MCM5: variants seen among roughly 807,000 people sequenced by gnomAD.
MCM5 encodes the protein DNA replication licensing factor MCM5.
In MCM5, 46 loss-of-function variants were observed where a neutral mutation model predicts 79.9. That is an observed-to-expected ratio of 0.58 (90% CI 0.45 to 0.74). The LOEUF (loss-of-function observed/expected upper bound fraction) is 0.74, where lower values mean the gene tolerates loss of function less well. Ranked by LOEUF, MCM5 falls within the 30% of genes least tolerant of loss-of-function variation. MCM5 has a pLI of 0.00. For missense variants in MCM5, 883 were observed against 1,017.0 expected, an observed-to-expected ratio of 0.87 and a Z score of 1.79; for synonymous variants, 404 against 390.5, an observed-to-expected ratio of 1.03 and a Z score of -0.41.
In MCM5 at chr22:35,410,712, C is replaced by T. The variant is rs758210759; in HGVS notation, c.753-32C>T. The T allele has an allele frequency of 5.6e-6, 9 of 1,606,894 alleles. No homozygotes were observed. The East Asian group carries it at 1.1e-4, about 20-fold the overall frequency. The stretch of plus-strand genomic sequence containing the variant: ...CTTGCTGTCCAAGTCAGAATCTCAG[C>T]TTTTCTCCTTTCTCCTCTACCCTCC... On this transcript the variant is annotated intron_variant, in intron 6 of 16. Coordinates refer to ENST00000216122, the MANE Select transcript of MCM5 (RefSeq NM_006739.4).
At chr22:35,405,020 ATTTTTTTT>A (rs35626347) in intron 4 of MCM5, among the ~76,000 whole-genome samples, 3 of 114,336 alleles carry the variant, frequency 2.6e-5, no homozygotes, top group East Asian at 4.5e-4. Flanking sequence ...CTAGAGGCCA[ATTTTTTTT>A]TTTTTTTTTT....
chr22:35,415,930 C>T lies in MCM5; in HGVS notation c.1305C>T (p.Val435=). 6.2e-7 allele frequency: 1 copy of T among 1,614,158 alleles called. No individual in the cohort carries two copies. The highest frequency in any genetic ancestry group is 8.5e-7 in the Non-Finnish European group (1 of 1,180,026). The change falls in exon 10 of 17, where the codon GTC becomes GTT. Residue 435 remains valine, a synonymous_variant. Coordinates refer to ENST00000216122, the MANE Select transcript of MCM5 (RefSeq NM_006739.4). ...RNFIMEGGAM[V]LADGGVVCID... Reference sequence around the variant, plus strand: ...TCATCATGGAGGGCGGAGCCATGGTCCTGGCCGATGGTGGGGTCGTCTGTA... The same window carrying T: ...TCATCATGGAGGGCGGAGCCATGGTTCTGGCCGATGGTGGGGTCGTCTGTA...
the MCM5 span, among the ~76,000 whole-genome samples, chr22:35,451,897 A>G: frequency 6.6e-6 from 1 of 152,310 alleles, no homozygotes; most frequent in Non-Finnish European, 1.5e-5. Flanking sequence ...CAGGGAATCC[A>G]GGCCCTGTGG....
the MCM5 span, among the ~76,000 whole-genome samples, chr22:35,449,180 A>C: frequency 6.6e-6 from 1 of 152,204 alleles, no homozygotes; most frequent in Non-Finnish European, 1.5e-5. Context: ...TCTGCTTCTC[A>C]GGGCTGGTCA....
chr22:35,419,685 T>A (rs5999824), intron 13 of MCM5, among the ~76,000 whole-genome samples, 199 bp from the exon 14 acceptor site: 3,583 of 152,196 alleles, frequency 0.024, 136 homozygotes, highest in African/African-American at 0.076. Context: ...TTCTCCCCAG[T>A]GTTGATGTTT....
At chr22:35,438,532 TATTC>T in the MCM5 span, among the ~76,000 whole-genome samples, 3 of 44,938 alleles carry the variant, frequency 6.7e-5, no homozygotes, top group Non-Finnish European at 1.0e-4. Flanking sequence ...TCCATCTACA[TATTC>T]ATCCATCCAT....
At chr22:35,431,174 T>C in the MCM5 span, among the ~76,000 whole-genome samples, 1 of 152,216 alleles carries the variant, frequency 6.6e-6, no homozygotes, top group Admixed American at 6.5e-5. Context: ...GTTCTGGGCA[T>C]TCACCACTGG....
chr22:35,409,911 C>T (rs1287792007), intron 6 of MCM5: 1 of 152,234 alleles, frequency 6.6e-6, no homozygotes, highest in Non-Finnish European at 1.5e-5. Flanking sequence ...TAGCACAATT[C>T]CTTCATGCAG....
At position 35,408,088 on chromosome 22, in the gene MCM5, T is replaced by G. The variant is rs569570611; in HGVS notation, c.597-320T>G. On this transcript the variant is annotated intron_variant, in intron 5 of 16. Transcript: ENST00000216122. ...AGTGGGGCTTTAGTAAGAGAATTGA[T>G]GAACTAGCTCTTCACCCATGAGGAC... is the stretch of plus-strand genomic sequence containing the variant. Among the ~76,000 whole-genome samples, 3 of 152,318 alleles carry G rather than the reference T, an allele frequency of 2.0e-5. No individual in the cohort carries two copies. In the South Asian group the frequency reaches 6.2e-4, roughly 32 times the overall value.
chr22:35,419,987 C>T lies in MCM5; in HGVS notation c.1807C>T (p.Arg603Cys), dbSNP rs199544487. Reference sequence around the variant, plus strand: ...TCAGCACGAGAGGGACAGTGACCGCCGCTCCAGCATCCCCATCACTGTGCG... The same window carrying T: ...TCAGCACGAGAGGGACAGTGACCGCTGCTCCAGCATCCCCATCACTGTGCG... ...ARQHERDSDR[R>C]SSIPITVRQL... The change falls in exon 14 of 17, where the codon CGC becomes TGC. Residue 603 changes from arginine (R) to cysteine (C), a missense_variant. This residue lies in a region of MCM5 where 426 missense variants were observed against 482.3 expected (regional missense o/e 0.88). Coordinates refer to ENST00000216122, the MANE Select transcript of MCM5 (RefSeq NM_006739.4). 29 of 1,612,248 alleles carry T rather than the reference C, an allele frequency of 1.8e-5. No homozygotes were observed. The East Asian group carries it at 4.9e-4, about 27-fold the overall frequency.
At chr22:35,400,336 C>A (rs1259381514) in intron 1 of MCM5, 95 bp from the exon 2 acceptor site, 1 of 1,437,644 alleles carries the variant, frequency 7.0e-7, no homozygotes, top group African/African-American at 1.4e-5. Flanking sequence ...CGGGGGTCCC[C>A]CTGCTCCGGA....
chr22:35,401,485 ACAT>A (rs1287812404), intron 2 of MCM5: 2 of 469,990 alleles, frequency 4.3e-6, no homozygotes, highest in South Asian at 3.1e-5. Context: ...ACGACCTGTG[ACAT>A]CATGAGAATT....
the MCM5 span, among the ~76,000 whole-genome samples, chr22:35,446,980 A>C: frequency 1.3e-5 from 2 of 152,058 alleles, no homozygotes; most frequent in Non-Finnish European, 2.9e-5. Context: ...CCTGTACCCT[A>C]AGGCATCAGT....
chr22:35,407,590 G>C (rs1029930684), intron 5 of MCM5, among the ~76,000 whole-genome samples: 1 of 152,022 alleles, frequency 6.6e-6, no homozygotes, highest in Non-Finnish European at 1.5e-5. Context: ...CACTGCCTTT[G>C]ACCTTGCTGT....
chr22:35,445,325 C>CATTTT, the MCM5 span, among the ~76,000 whole-genome samples: 1 of 83,628 alleles, frequency 1.2e-5, no homozygotes, highest in Non-Finnish European at 2.1e-5. Context: ...TTTGACTATG[C>CATTTT]TTTTTTTTTT....
chr22:35,417,689 G>T, intron 12 of MCM5, 55 bp from the exon 13 acceptor site: 2 of 1,259,504 alleles, frequency 1.6e-6, no homozygotes, highest in Non-Finnish European at 2.3e-6. Flanking sequence ...CTCAGTGCTG[G>T]GACTCAGGCT....
intron 2 of MCM5, among the ~76,000 whole-genome samples, chr22:35,402,242 T>TA (rs987027310): frequency 5.6e-4 from 84 of 150,618 alleles, no homozygotes; most frequent in Admixed American, 9.9e-4. Flanking sequence ...AGGCTCTATT[T>TA]AAAAAAAAAC....
chr22:35,439,075 CCATCCATCCATCCACATATTCATCCATT>C, the MCM5 span, among the ~76,000 whole-genome samples: 2 of 151,098 alleles, frequency 1.3e-5, no homozygotes, highest in African/African-American at 4.9e-5. Flanking sequence ...ATCCATCCAT[CCATCCATCCATCCACATATTCATCCATT>C]CACCCATCCA....
At chr22:35,447,923 C>T in the MCM5 span, among the ~76,000 whole-genome samples, 3 of 152,332 alleles carry the variant, frequency 2.0e-5, no homozygotes, top group East Asian at 5.8e-4. Flanking sequence ...CCCGAGTCCA[C>T]TCAGGGAAAC....
Sources: gnomAD v4.1 joint callset for allele counts (sites outside exome capture counted in the v4.1 genomes callset) on GRCh38, gnomAD v4.1.1 for gene constraint, gnomAD v4.1.1 regional missense constraint, MANE v1.5 for transcripts, NCBI Gene and HGNC (gene_info 2026-07-23, HGNC 2026-07-21) for gene names.